UBL3: variants seen among roughly 807,000 people sequenced by gnomAD.
UBL3 encodes ubiquitin-like protein 3.
UBL3 carries 6 observed loss-of-function variants against 18.4 expected under a neutral mutation model. That is an observed-to-expected ratio of 0.33 (90% CI 0.18 to 0.64). The LOEUF (loss-of-function observed/expected upper bound fraction) is 0.64. Ranked by LOEUF, UBL3 falls within the 30% of genes least tolerant of loss-of-function variation. The probability of loss-of-function intolerance (pLI) is 0.76; values close to 1 mark genes in which losing one functional copy is unlikely to be tolerated. For synonymous variants in UBL3, 49 were observed against 46.6 expected, an observed-to-expected ratio of 1.05 and a Z score of -0.21; for missense variants, 109 against 142.9, an observed-to-expected ratio of 0.76 and a Z score of 1.21.
intron 3 of UBL3, among the ~76,000 whole-genome samples, chr13:29,769,595 A>G (rs535110292): frequency 6.6e-6 from 1 of 152,014 alleles, no homozygotes; most frequent in Non-Finnish European, 1.5e-5. Context: ...AGTATCCTAG[A>G]TGAGTCTCAT....
At position 29,777,251 on chromosome 13, in the gene UBL3, G is replaced by T; in HGVS notation, c.40C>A (p.Leu14Ile). 2 of 1,605,210 alleles carry T rather than the reference G, an allele frequency of 1.2e-6. No homozygotes were observed. The highest frequency in any genetic ancestry group is 1.1e-5 in the South Asian group (1 of 88,106). Residue 14 changes from leucine to isoleucine, a missense_variant, in exon 2 of 5, where the codon CTC becomes ATC. By Grantham distance (5) the Leu-to-Ile change is conservative. Coordinates refer to ENST00000380680, the MANE Select transcript of UBL3 (RefSeq NM_007106.4). ...NVPADMINLRLILVSGKTKEF... is the reference protein window; with the variant it reads ...NVPADMINLRIILVSGKTKEF... The stretch of plus-strand genomic sequence containing the variant: ...TTTGTTTTTCCGCTTACCAAAATGA[G>T]GCGCAAATTTATCTGAAAGAAGACA...
In UBL3 at chr13:29,772,066, C is replaced by T. The variant is rs1407758864; in HGVS notation, c.223+46G>A. 7 of 1,478,622 alleles carry T rather than the reference C, an allele frequency of 4.7e-6. No individual in the cohort carries two copies. In the African/African-American group the frequency reaches 5.6e-5, roughly 12 times the overall value. The allele number at this position is 1,478,622 out of a possible 1,614,324, so 91.6% of individuals were successfully genotyped here. ...TAACATTTAAAACAAGCGAATCATG[C>T]TACCATGAGACAGACATTAAATCCC... On this transcript the variant is annotated intron_variant, in intron 3 of 4. Coordinates refer to ENST00000380680, the MANE Select transcript of UBL3 (RefSeq NM_007106.4).
chr13:29,808,766 G>GT (rs1313205698), intron 1 of UBL3, among the ~76,000 whole-genome samples: 1 of 152,024 alleles, frequency 6.6e-6, no homozygotes, highest in Non-Finnish European at 1.5e-5. Flanking sequence ...CAATATGTAT[G>GT]TATTTTCTAA....
At chr13:29,784,636 C>T (rs918016670) in intron 1 of UBL3, among the ~76,000 whole-genome samples, 2 of 151,710 alleles carry the variant, frequency 1.3e-5, no homozygotes, top group African/African-American at 4.8e-5. Flanking sequence ...CTATATGATC[C>T]CACTTATACA....
At chr13:29,773,465 ATTATTGT>A (rs1325716397) in intron 2 of UBL3, among the ~76,000 whole-genome samples, 2 of 152,182 alleles carry the variant, frequency 1.3e-5, no homozygotes, top group East Asian at 3.8e-4. Flanking sequence ...CAATTCCAAA[ATTATTGT>A]TTAATAGAAT....
chr13:29,767,799 C>A (rs1347211611), intron 3 of UBL3, 104 bp from the exon 4 acceptor site: 6 of 907,378 alleles, frequency 6.6e-6, no homozygotes, highest in Non-Finnish European at 9.9e-6. Flanking sequence ...TTTATGACTT[C>A]TTTAACAGAT....
chr13:29,810,933 T>C (rs923446814), intron 1 of UBL3, among the ~76,000 whole-genome samples: 1 of 152,062 alleles, frequency 6.6e-6, no homozygotes, highest in African/African-American at 2.4e-5. Flanking sequence ...AATAAAGACC[T>C]GGAAAACGTA....
At chr13:29,815,450 A>G (rs1159241368) in intron 1 of UBL3, among the ~76,000 whole-genome samples, 1 of 152,218 alleles carries the variant, frequency 6.6e-6, no homozygotes, top group Non-Finnish European at 1.5e-5. Context: ...TATTTTATCC[A>G]AGTTAGAAAT....
chr13:29,804,941 C>T (rs560787298), intron 1 of UBL3, among the ~76,000 whole-genome samples: 12 of 152,144 alleles, frequency 7.9e-5, no homozygotes, highest in Non-Finnish European at 1.8e-4. Flanking sequence ...TCTGAACATA[C>T]ACAACACATG....
intron 1 of UBL3, among the ~76,000 whole-genome samples, chr13:29,787,601 T>C (rs1877357499): frequency 1.3e-5 from 2 of 152,190 alleles, no homozygotes; most frequent in Admixed American, 1.3e-4. Flanking sequence ...ATCCCTTGCA[T>C]CTAGGATACA....
At chr13:29,848,280 CAAAAAAAAAAA>C (rs11372209) in intron 1 of UBL3, among the ~76,000 whole-genome samples, 1 of 68,320 alleles carries the variant, frequency 1.5e-5, no homozygotes, top group African/African-American at 6.3e-5. Context: ...CCTGTCTCCA[CAAAAAAAAAAA>C]AAAAAAAAAA....
At chr13:29,845,366 C>T (rs1316371210) in intron 1 of UBL3, among the ~76,000 whole-genome samples, 1 of 151,954 alleles carries the variant, frequency 6.6e-6, no homozygotes, top group Admixed American at 6.6e-5. Context: ...TACTTATCTA[C>T]CTTTTGGCTT....
rs146082371 is a variant in UBL3 at position 29,799,351 on chromosome 13, C to T, written c.28-22088G>A. ...TAATTCATACCTTTACTGTGATAAACCATCAAGAGCACATTCTTGGAGAAA... is the reference window on the plus strand; with the variant it reads ...TAATTCATACCTTTACTGTGATAAATCATCAAGAGCACATTCTTGGAGAAA... On this transcript the variant is annotated intron_variant, in intron 1 of 4. Transcript: ENST00000380680. Among the ~76,000 whole-genome samples the T allele has an allele frequency of 9.0e-3, 1,378 of 152,306 alleles. 12 individuals carry two copies. The highest frequency in any genetic ancestry group is 0.014 in the Admixed American group (216 of 15,306).
rs1183149868 is a variant in UBL3, at chr13:29,772,067, T to C, written c.223+45A>G. On this transcript the variant is annotated intron_variant, in intron 3 of 4. Transcript: ENST00000380680. ...AACATTTAAAACAAGCGAATCATGC[T>C]ACCATGAGACAGACATTAAATCCCA... 2.0e-6 allele frequency: 3 copies of C among 1,487,496 alleles called. No individual in the cohort carries two copies. The African/African-American group carries it at 4.2e-5, about 21-fold the overall frequency. The allele number at this position is 1,487,496 out of a possible 1,614,324, so 92.1% of individuals were successfully genotyped here. A position where few individuals can be genotyped will look rare whatever the true frequency, so the allele number is the denominator to read the frequency against.
intron 1 of UBL3, among the ~76,000 whole-genome samples, chr13:29,789,874 T>C (rs1593656679): frequency 6.6e-6 from 1 of 152,348 alleles, no homozygotes; most frequent in East Asian, 1.9e-4. Context: ...CCCCCTTTTA[T>C]AGCATAACTA....
chr13:29,822,994 T>C (rs1454770430), intron 1 of UBL3, among the ~76,000 whole-genome samples: 1 of 152,152 alleles, frequency 6.6e-6, no homozygotes, highest in African/African-American at 2.4e-5. Flanking sequence ...ATGAATAGTA[T>C]TCATATGTAA....
intron 1 of UBL3, among the ~76,000 whole-genome samples, chr13:29,846,680 T>C (rs554380243): frequency 6.6e-6 from 1 of 152,276 alleles, no homozygotes; most frequent in East Asian, 1.9e-4. Context: ...GGAAACATGA[T>C]AGGGGTTAAC....
chr13:29,808,517 A>T (rs1593663961), intron 1 of UBL3, among the ~76,000 whole-genome samples: 1 of 152,272 alleles, frequency 6.6e-6, no homozygotes, highest in Middle Eastern at 3.4e-3. Context: ...ATGCCACTTA[A>T]CTGTCCTGGA....
At chr13:29,776,810 G>C (rs1430981915) in intron 2 of UBL3, among the ~76,000 whole-genome samples, 1 of 142,306 alleles carries the variant, frequency 7.0e-6, no homozygotes, top group African/African-American at 2.6e-5. Context: ...GGCAGAGGTT[G>C]CGGTGAGCTA....
Sources: allele counts gnomAD v4.1 joint callset (sites outside exome capture counted in the v4.1 genomes callset), GRCh38; gene constraint gnomAD v4.1.1; transcripts MANE v1.5; gene names NCBI Gene and HGNC (gene_info 2026-07-23, HGNC 2026-07-21).